CAMSAP2: variants seen among roughly 807,000 people sequenced by gnomAD.
CAMSAP2 encodes calmodulin-regulated spectrin-associated protein 2.
In CAMSAP2, 26 loss-of-function variants were observed where a neutral mutation model predicts 146.1. The observed-to-expected ratio is 0.18, with a 90% CI of 0.13 to 0.25. CAMSAP2 has a LOEUF of 0.25. CAMSAP2 is among the 10% of genes least tolerant of loss of function. The probability of loss-of-function intolerance (pLI) is 1.00; values close to 1 mark genes in which losing one functional copy is unlikely to be tolerated. For missense variants in CAMSAP2, 1,381 were observed against 1,759.3 expected (o/e 0.78, Z 3.85); for synonymous variants, 499 against 596.6 (o/e 0.84, Z 2.38).
intron 2 of CAMSAP2, among the ~76,000 whole-genome samples, chr1:200,804,877 A>G (rs181117023): frequency 2.8e-4 from 42 of 151,904 alleles, no homozygotes; most frequent in African/African-American, 9.7e-4. Context: ...TTTCTGAAAC[A>G]TATTTTTTTG....
chr1:200,830,299 C>CTG (rs3081676), intron 4 of CAMSAP2, among the ~76,000 whole-genome samples: 17,097 of 150,556 alleles, frequency 0.11, 1,000 homozygotes, highest in Middle Eastern at 0.14. Flanking sequence ...TCATATAAAG[C>CTG]TGTGTGTGTG....
chr1:200,757,171 A>G (rs1265394350), intron 1 of CAMSAP2, among the ~76,000 whole-genome samples: 1 of 152,178 alleles, frequency 6.6e-6, no homozygotes, highest in African/African-American at 2.4e-5. Context: ...CATTCCTATG[A>G]TTTAGTGTGA....
At chr1:200,817,931 C>T (rs940173026) in intron 4 of CAMSAP2, among the ~76,000 whole-genome samples, 5 of 152,164 alleles carry the variant, frequency 3.3e-5, no homozygotes, top group African/African-American at 1.2e-4. Context: ...TCCCTGCTTC[C>T]AGCCAATTTC....
chr1:200,853,211 ACT>A lies in CAMSAP2; in HGVS notation c.3603-58_3603-57del, dbSNP rs1167350496. On this transcript the variant is annotated intron_variant, in intron 12 of 16. Transcript: ENST00000358823. The surrounding 1 kb of genome is among the most constrained non-coding windows in gnomAD (Gnocchi z 5.1). ...TCTCCTTTCTCATATCAAATACATA[ACT>A]CTCTCCTGTATGGTTTGTCTTTGGT... 10 of 1,366,204 alleles carry A rather than the reference ACT, an allele frequency of 7.3e-6. No homozygotes were observed. Among genetic ancestry groups the A allele is most frequent in the African/African-American group, 7.3e-5 (5 of 68,738 alleles). 84.6% of individuals were successfully genotyped at this position (1,366,204 alleles called of 1,614,324 possible). A position where few individuals can be genotyped will look rare whatever the true frequency, so the allele number is the denominator to read the frequency against.
intron 2 of CAMSAP2, among the ~76,000 whole-genome samples, chr1:200,762,496 C>T (rs1213979070): frequency 1.3e-5 from 2 of 152,142 alleles, no homozygotes; most frequent in African/African-American, 4.8e-5. Flanking sequence ...TATTCATCTC[C>T]CCCAGAATCA....
chr1:200,768,784 G>A (rs935205182), intron 2 of CAMSAP2, among the ~76,000 whole-genome samples: 1 of 152,132 alleles, frequency 6.6e-6, no homozygotes, highest in African/African-American at 2.4e-5. Context: ...CTCCCAAGTA[G>A]CTGGGACTAC....
At chr1:200,819,405 G>A (rs1222108587) in intron 4 of CAMSAP2, among the ~76,000 whole-genome samples, 1 of 152,080 alleles carries the variant, frequency 6.6e-6, no homozygotes, top group Non-Finnish European at 1.5e-5. Flanking sequence ...GTCTTGTATT[G>A]TGTGAGCATC....
intron 2 of CAMSAP2, among the ~76,000 whole-genome samples, chr1:200,770,181 G>A (rs368876353): frequency 3.3e-5 from 5 of 152,124 alleles, no homozygotes; most frequent in East Asian, 3.9e-4. Flanking sequence ...GAGGGATGAG[G>A]AAAATTGAGT....
intron 2 of CAMSAP2, among the ~76,000 whole-genome samples, chr1:200,805,531 AC>A (rs1666149523): frequency 6.6e-6 from 1 of 152,206 alleles, no homozygotes; most frequent in Non-Finnish European, 1.5e-5. Flanking sequence ...CATTAGCATC[AC>A]CTGGGGAAGC....
chr1:200,799,569 T>C (rs1665981230), intron 2 of CAMSAP2, among the ~76,000 whole-genome samples: 1 of 152,224 alleles, frequency 6.6e-6, no homozygotes, highest in African/African-American at 2.4e-5. Context: ...TCTTTCCTTC[T>C]TTATTAGTCT....
intron 11 of CAMSAP2, 83 bp from the exon 12 acceptor site, chr1:200,852,458 C>A: frequency 6.7e-7 from 1 of 1,491,058 alleles, no homozygotes; most frequent in Non-Finnish European, 9.1e-7. Flanking sequence ...ATAGGACTAA[C>A]CACAAAATGT....
chr1:200,748,404 A>T (rs992242864), intron 1 of CAMSAP2, among the ~76,000 whole-genome samples: 11 of 152,200 alleles, frequency 7.2e-5, no homozygotes, highest in Non-Finnish European at 1.6e-4. Context: ...ATCAATATGA[A>T]CATTTCTGAT....
chr1:200,780,663 T>G (rs1665405095), intron 2 of CAMSAP2, among the ~76,000 whole-genome samples: 1 of 152,148 alleles, frequency 6.6e-6, no homozygotes, highest in Admixed American at 6.5e-5. Context: ...GCCAGCAGCA[T>G]TGGTCTGGAA....
rs1439454605 is a variant in CAMSAP2 at position 200,807,549 on chromosome 1, C to T, written c.561+12C>T. 2.6e-6 allele frequency: 4 copies of T among 1,556,142 alleles called. No individual in the cohort carries two copies. Among genetic ancestry groups the T allele is most frequent in the South Asian group, 1.2e-5 (1 of 82,662 alleles). ...ACTGGATAAATAAGGTAGGATTATA[C>T]TCACTTGAGTAAATCGCATCTCATA... On this transcript the variant is annotated intron_variant, in intron 3 of 16. Coordinates refer to ENST00000358823, the MANE Select transcript of CAMSAP2 (RefSeq NM_203459.4).
rs766771693 is a variant in CAMSAP2 at position 200,850,149 on chromosome 1, A to G, written c.3380A>G (p.Asp1127Gly). ...GATTTGAAACCCCCTGAAAAGGCTG[A>G]TGTACCTGTTGAAAAATATGATGGA... ...LSDLKPPEKA[D>G]VPVEKYDGES... The change falls in exon 11 of 17, where the codon GAT becomes GGT. Residue 1127 changes from aspartate to glycine, a missense_variant. Around this residue, in one of 4 missense-constraint regions of CAMSAP2, gnomAD observed 560 missense variants for 715.9 expected, o/e 0.78. Transcript: ENST00000358823. The G allele has an allele frequency of 6.2e-6, 10 of 1,610,622 alleles. No individual in the cohort carries two copies. Among genetic ancestry groups the G allele is most frequent in the Non-Finnish European group, 8.5e-6 (10 of 1,179,286 alleles).
intron 3 of CAMSAP2, among the ~76,000 whole-genome samples, chr1:200,811,747 A>G (rs913204792): frequency 4.6e-5 from 7 of 152,158 alleles, no homozygotes; most frequent in African/African-American, 7.2e-5. Flanking sequence ...CTTTTGCTCA[A>G]AACTCTTCAG....
chr1:200,750,236 G>T (rs935265798), intron 1 of CAMSAP2, among the ~76,000 whole-genome samples: 2 of 152,140 alleles, frequency 1.3e-5, no homozygotes, highest in Non-Finnish European at 2.9e-5. Context: ...ATTGTGAGAA[G>T]GGGGAAGACT....
intron 7 of CAMSAP2, 52 bp downstream of exon 7, chr1:200,842,139 T>C: frequency 7.4e-7 from 1 of 1,343,660 alleles, no homozygotes; most frequent in Non-Finnish European, 1.1e-6. Flanking sequence ...AAAAATGGAA[T>C]GTTGATATAA....
intron 2 of CAMSAP2, among the ~76,000 whole-genome samples, chr1:200,765,046 G>A (rs1382206390): frequency 6.6e-6 from 1 of 152,018 alleles, no homozygotes; most frequent in Admixed American, 6.6e-5. Flanking sequence ...GGAGATTGCA[G>A]TCAGCCAAGA....
Sources: allele counts gnomAD v4.1 joint callset (sites outside exome capture counted in the v4.1 genomes callset), GRCh38; gene constraint gnomAD v4.1.1; regional missense constraint gnomAD v4.1.1; non-coding constraint Gnocchi (gnomAD v3.1); transcripts MANE v1.5; gene names NCBI Gene and HGNC (gene_info 2026-07-23, HGNC 2026-07-21).